ARHGEF9: variants seen among roughly 807,000 people sequenced by gnomAD.
The protein encoded by ARHGEF9 is rho guanine nucleotide exchange factor 9.
In ARHGEF9, 2 loss-of-function variants were observed where a neutral mutation model predicts 41.3. That is an observed-to-expected ratio of 0.05 (90% confidence interval 0.02 to 0.15). ARHGEF9 has a LOEUF of 0.15. Among genes scored for constraint, ARHGEF9 ranks in the 10% least tolerant of loss-of-function variants. The pLI, the probability that ARHGEF9 is intolerant of heterozygous loss-of-function variation, is 1.00. For synonymous variants in ARHGEF9, 160 were observed against 154.4 expected (o/e 1.04, Z -0.27); for missense variants, 225 against 424.7 (o/e 0.53, Z 4.13).
At chrX:63,728,707 T>C (rs1351227171) in intron 1 of ARHGEF9, among the ~76,000 whole-genome samples, 1 of 112,021 alleles carries the variant, frequency 8.9e-6, no homozygotes. Context: ...TGAACTCAGA[T>C]GGTGGATATA....
intron 2 of ARHGEF9, among the ~76,000 whole-genome samples, chrX:63,717,209 C>T (rs2053361133): frequency 8.9e-6 from 1 of 112,454 alleles, no homozygotes; most frequent in Non-Finnish European, 1.9e-5. Context: ...CAATGTTCCA[C>T]CATTTATTTG....
chrX:63,680,396 T>C (rs2050544665), intron 4 of ARHGEF9, among the ~76,000 whole-genome samples: 1 of 112,372 alleles, frequency 8.9e-6, no homozygotes, highest in Non-Finnish European at 1.9e-5. Context: ...TTGGATCTTG[T>C]GTCCTACATA....
chrX:63,660,486 G>A (rs1278242509), intron 7 of ARHGEF9, among the ~76,000 whole-genome samples: 1 of 110,922 alleles, frequency 9.0e-6, no homozygotes, highest in Admixed American at 9.6e-5. Context: ...ACCAAAACCC[G>A]GCAACATGCA....
chrX:63,655,831 C>T (rs2048841294), intron 7 of ARHGEF9, 94 bp from the exon 8 acceptor site: 1 of 1,088,848 alleles, frequency 9.2e-7, no homozygotes, highest in East Asian at 3.0e-5. Context: ...ACACTGTCAC[C>T]GTTTTGAAGT....
At chrX:63,740,682 A>G (rs1359933913) in intron 1 of ARHGEF9, among the ~76,000 whole-genome samples, 13 of 111,368 alleles carry the variant, frequency 1.2e-4, no homozygotes, top group Non-Finnish European at 3.8e-5. Flanking sequence ...GGCTCTGAGG[A>G]TGCTGCTCCC....
chrX:63,639,192 C>G, intron 9 of ARHGEF9, among the ~76,000 whole-genome samples: 1 of 111,783 alleles, frequency 8.9e-6, no homozygotes, highest in African/African-American at 3.2e-5. Flanking sequence ...GACTAAGTCC[C>G]TTTGCCTGGA....
chrX:63,644,128 A>T lies in ARHGEF9; in HGVS notation c.1322-80T>A, dbSNP rs1308836341. Reference sequence around the variant, plus strand: ...TGTATAAATGAGTAAACTTTTCTGTAAGAAAGATTTGCTAAGACATATAAA... The same window carrying T: ...TGTATAAATGAGTAAACTTTTCTGTTAGAAAGATTTGCTAAGACATATAAA... On this transcript the variant is annotated intron_variant, in intron 8 of 9. Coordinates refer to ENST00000671741, the MANE Select transcript of ARHGEF9 (RefSeq NM_001353921.2). 4.2e-6 allele frequency: 3 copies of T among 706,153 alleles called. No individual in the cohort carries two copies. The Admixed American group carries it at 1.0e-4, about 24-fold the overall frequency. 58.2% of individuals were successfully genotyped at this position (706,153 alleles called of 1,213,427 possible).
At chrX:63,662,082 G>C (rs782554237) in intron 7 of ARHGEF9, among the ~76,000 whole-genome samples, 1 of 111,691 alleles carries the variant, frequency 9.0e-6, no homozygotes, top group Non-Finnish European at 1.9e-5. Context: ...GGTTGGGTAA[G>C]ATGAGATTAA....
chrX:63,717,450 C>T (rs782092496), intron 2 of ARHGEF9, among the ~76,000 whole-genome samples: 5 of 111,959 alleles, frequency 4.5e-5, no homozygotes, highest in South Asian at 7.6e-4. Flanking sequence ...CTTGCATGCC[C>T]GGATGGCCTC....
rs2055885954 is a variant in ARHGEF9 at position 63,755,157 on chromosome X, C to T, written c.30+29959G>A. The T allele has an allele frequency of 1.1e-5, 10 of 937,598 alleles. No homozygotes were observed. In the South Asian group the frequency reaches 5.3e-4, roughly 50 times the overall value. 77.3% of individuals were successfully genotyped at this position (937,598 alleles called of 1,213,427 possible). ...AGCCCATAGGCTGCCTTTTTATTCA[C>T]CGAGCGACTGCGGGCGCTTGCGTGA... is the stretch of plus-strand genomic sequence containing the variant. On this transcript the variant is annotated intron_variant, in intron 1 of 9. Transcript: ENST00000671741.
chrX:63,701,082 G>A (rs1276124878), intron 3 of ARHGEF9, among the ~76,000 whole-genome samples: 3 of 111,722 alleles, frequency 2.7e-5, no homozygotes, highest in African/African-American at 9.8e-5. Context: ...AACCCACCAG[G>A]GCTGATCTAC....
At chrX:63,658,824 C>T (rs1469989573) in intron 7 of ARHGEF9, among the ~76,000 whole-genome samples, 3 of 112,060 alleles carry the variant, frequency 2.7e-5, no homozygotes, top group Admixed American at 9.5e-5. Context: ...CCCACTGTCC[C>T]TGGAAATTCT....
At chrX:63,771,620 G>T (rs2056206331) in intron 1 of ARHGEF9, among the ~76,000 whole-genome samples, 1 of 110,129 alleles carries the variant, frequency 9.1e-6, no homozygotes, top group Non-Finnish European at 1.9e-5. Context: ...AGGCTGGAGT[G>T]CAGTGGTATG....
intron 1 of ARHGEF9, among the ~76,000 whole-genome samples, chrX:63,748,724 A>G (rs1198823648): frequency 4.3e-4 from 48 of 111,991 alleles, no homozygotes; most frequent in African/African-American, 1.5e-3. Flanking sequence ...TTAAATCAGA[A>G]TCTTTCAGAT....
At chrX:63,770,706 A>G (rs782187873) in intron 1 of ARHGEF9, among the ~76,000 whole-genome samples, 22 of 112,004 alleles carry the variant, frequency 2.0e-4, no homozygotes, top group African/African-American at 7.1e-4. Context: ...TAATTAAATC[A>G]TGGGAGTGGT....
At chrX:63,688,372 A>G (rs1479253442) in intron 4 of ARHGEF9, among the ~76,000 whole-genome samples, 1 of 112,218 alleles carries the variant, frequency 8.9e-6, no homozygotes, top group Non-Finnish European at 1.9e-5. Flanking sequence ...TGAACTGCTG[A>G]AGCCAGTTGT....
At chrX:63,686,445 A>G (rs1381810226) in intron 4 of ARHGEF9, among the ~76,000 whole-genome samples, 5 of 111,274 alleles carry the variant, frequency 4.5e-5, no homozygotes, top group African/African-American at 1.3e-4. Flanking sequence ...TCAATGTTCA[A>G]TAGCAGAGTA....
At chrX:63,711,677 T>C (rs111361667) in intron 2 of ARHGEF9, among the ~76,000 whole-genome samples, 2,842 of 112,018 alleles carry the variant, frequency 0.025, 78 homozygotes, top group African/African-American at 0.088. Flanking sequence ...AATATCTGAA[T>C]GGAATCAGAT....
At chrX:63,710,464 A>G (rs2052861253) in intron 2 of ARHGEF9, among the ~76,000 whole-genome samples, 1 of 111,190 alleles carries the variant, frequency 9.0e-6, no homozygotes, top group South Asian at 3.7e-4. Context: ...CAACATATTA[A>G]AAACAAATTG....
Sources: gnomAD v4.1 joint callset for allele counts (sites outside exome capture counted in the v4.1 genomes callset) on GRCh38, gnomAD v4.1.1 for gene constraint, MANE v1.5 for transcripts, NCBI Gene and HGNC (gene_info 2026-07-23, HGNC 2026-07-21) for gene names.